The following DLGAP1 variants were observed in gnomAD, a reference collection of about 807,000 sequenced individuals.
The protein encoded by DLGAP1 is DLG associated protein 1.
DLGAP1 carries 11 observed loss-of-function variants against 90.8 expected under a neutral mutation model. That is an observed-to-expected ratio of 0.12 (90% CI 0.08 to 0.20). The LOEUF (loss-of-function observed/expected upper bound fraction) is 0.20, where lower values mean the gene tolerates loss of function less well. Ranked by LOEUF, DLGAP1 falls within the 10% of genes least tolerant of loss-of-function variation. The pLI is 1.00. For missense variants in DLGAP1, 1,050 were observed against 1,333.8 expected (o/e 0.79, Z 3.31); for synonymous variants, 558 against 540.7 (o/e 1.03, Z -0.44).
At chr18:4,390,324 C>T (rs1372391562) in intron 1 of DLGAP1, among the ~76,000 whole-genome samples, 1 of 152,118 alleles carries the variant, frequency 6.6e-6, no homozygotes. Context: ...TCCCATATCA[C>T]AGTGGTACAC....
At chr18:3,688,526 A>G (rs535365731) in intron 7 of DLGAP1, among the ~76,000 whole-genome samples, 1 of 152,154 alleles carries the variant, frequency 6.6e-6, no homozygotes, top group South Asian at 2.1e-4. Context: ...GACTACTACA[A>G]TGTCTCAGAA....
chr18:3,601,056 A>G (rs1055572116), intron 7 of DLGAP1, among the ~76,000 whole-genome samples: 4 of 141,076 alleles, frequency 2.8e-5, no homozygotes, highest in African/African-American at 8.4e-5. Flanking sequence ...ATAGATAGAT[A>G]TATAGATATA....
intron 10 of DLGAP1, among the ~76,000 whole-genome samples, chr18:3,521,297 T>C (rs908904139): frequency 6.6e-5 from 10 of 152,168 alleles, no homozygotes; most frequent in Non-Finnish European, 1.2e-4. Flanking sequence ...AAGGGAACTA[T>C]AGGGTTTTCT....
chr18:4,240,191 C>T (rs1414463151), intron 1 of DLGAP1, among the ~76,000 whole-genome samples: 1 of 152,046 alleles, frequency 6.6e-6, no homozygotes, highest in African/African-American at 2.4e-5. Flanking sequence ...ATAGTTTCCA[C>T]AGTGTTTATA....
At chr18:4,255,474 CATAT>C (rs71840409) in intron 1 of DLGAP1, among the ~76,000 whole-genome samples, 1 of 147,344 alleles carries the variant, frequency 6.8e-6, no homozygotes, top group African/African-American at 2.5e-5. Context: ...GAGAGATATA[CATAT>C]ATATATATAT....
intron 3 of DLGAP1, among the ~76,000 whole-genome samples, chr18:3,994,355 G>A (rs2074027624): frequency 6.6e-6 from 1 of 152,142 alleles, no homozygotes; most frequent in Non-Finnish European, 1.5e-5. Flanking sequence ...AGAGTGGCGA[G>A]GGCTTCCCAC....
chr18:3,624,826 G>C (rs1435176369), intron 7 of DLGAP1, among the ~76,000 whole-genome samples: 2 of 152,076 alleles, frequency 1.3e-5, no homozygotes, highest in African/African-American at 4.8e-5. Flanking sequence ...CACCCAGGGG[G>C]AATCTCAAGA....
At chr18:3,951,832 C>A (rs2072991548) in intron 3 of DLGAP1, among the ~76,000 whole-genome samples, 1 of 152,122 alleles carries the variant, frequency 6.6e-6, no homozygotes, top group African/African-American at 2.4e-5. Context: ...TACCTGCTTC[C>A]CCTTATGCCA....
At chr18:3,814,400 C>T (rs1598854555) in intron 4 of DLGAP1, 127 bp from the exon 5 acceptor site, 3 of 853,462 alleles carry the variant, frequency 3.5e-6, no homozygotes, top group African/African-American at 2.2e-5. Flanking sequence ...CTTGCTTTGT[C>T]GCCCAGACTG....
intron 7 of DLGAP1, among the ~76,000 whole-genome samples, chr18:3,587,420 T>C (rs934537576): frequency 7.2e-5 from 11 of 152,124 alleles, no homozygotes; most frequent in African/African-American, 2.7e-4. Flanking sequence ...CTTTTCTAGC[T>C]AAAGGATTGT....
chr18:3,765,009 A>G lies in DLGAP1; in HGVS notation c.1173-22497T>C, dbSNP rs574698626. Among the ~76,000 whole-genome samples, 308 of 151,936 alleles carry G rather than the reference A, an allele frequency of 2.0e-3. 2 individuals carry two copies. The highest frequency in any genetic ancestry group is 7.2e-3 in the African/African-American group (297 of 41,404). ...GTAGCTGAGTCTGGGCACAGCCTCA[A>G]GTTTGTTTGTGTGCATGGCTGTGTT... On this transcript the variant is annotated intron_variant, in intron 5 of 12. Transcript: ENST00000315677.
At chr18:4,146,735 A>G (rs2076591333) in intron 2 of DLGAP1, among the ~76,000 whole-genome samples, 1 of 152,122 alleles carries the variant, frequency 6.6e-6, no homozygotes, top group South Asian at 2.1e-4. Flanking sequence ...TAAAAAAACG[A>G]ATTTTCAAGC....
intron 1 of DLGAP1, among the ~76,000 whole-genome samples, chr18:4,402,493 G>C (rs1245533102): frequency 1.3e-5 from 2 of 152,140 alleles, no homozygotes; most frequent in Non-Finnish European, 2.9e-5. Context: ...AAAACTATGG[G>C]AAGCAGGCCG....
chr18:3,640,756 A>G (rs1253873094), intron 7 of DLGAP1, among the ~76,000 whole-genome samples: 1 of 152,240 alleles, frequency 6.6e-6, no homozygotes, highest in Non-Finnish European at 1.5e-5. Context: ...ATGTCTGCTT[A>G]TGTCCAGAAT....
intron 1 of DLGAP1, among the ~76,000 whole-genome samples, chr18:4,379,222 C>A (rs12967432): frequency 0.046 from 7,009 of 152,032 alleles, 204 homozygotes; most frequent in African/African-American, 0.077. Flanking sequence ...GAAACAGGAA[C>A]CAGGTGATGA....
At chr18:3,960,046 C>G (rs914426601) in intron 3 of DLGAP1, among the ~76,000 whole-genome samples, 2 of 152,162 alleles carry the variant, frequency 1.3e-5, no homozygotes, top group African/African-American at 4.8e-5. Flanking sequence ...AAAATCCTCC[C>G]CTGAGTATTA....
At chr18:4,407,870 AAATAAATAAATAAATAAATAT>A (rs766409692) in intron 1 of DLGAP1, among the ~76,000 whole-genome samples, 16,383 of 66,736 alleles carry the variant, frequency 0.25, 1,319 homozygotes, top group African/African-American at 0.4. Context: ...CTAAATAAAT[AAATAAATAAATAAATAAATAT>A]ATAAATAAAT....
chr18:3,755,725 G>A (rs905542262), intron 5 of DLGAP1, among the ~76,000 whole-genome samples: 1 of 152,128 alleles, frequency 6.6e-6, no homozygotes, highest in African/African-American at 2.4e-5. Context: ...ATAGTAGTTA[G>A]ACACTTCAAT....
intron 5 of DLGAP1, among the ~76,000 whole-genome samples, chr18:3,772,152 TTCCC>T (rs1360912510): frequency 1.4e-5 from 2 of 139,300 alleles, no homozygotes; most frequent in African/African-American, 5.8e-5. Context: ...CCTTCCTTCC[TTCCC>T]TTTCTTTCTC....
Sources: gnomAD v4.1 joint callset for allele counts (sites outside exome capture counted in the v4.1 genomes callset) on GRCh38, gnomAD v4.1.1 for gene constraint, MANE v1.5 for transcripts, NCBI Gene and HGNC (gene_info 2026-07-23, HGNC 2026-07-21) for gene names.